The following DDX10 variants were observed in gnomAD, a reference collection of about 807,000 sequenced individuals.
The protein encoded by DDX10 is probable ATP-dependent RNA helicase DDX10.
DDX10 carries 74 observed loss-of-function variants against 104.3 expected under a neutral mutation model. The observed-to-expected ratio is 0.71, with a 90% CI of 0.59 to 0.86. The LOEUF (loss-of-function observed/expected upper bound fraction) is 0.86. DDX10 is among the 40% of genes least tolerant of loss of function. DDX10 has a pLI of 0.00. For missense variants in DDX10, 952 were observed against 1,040.0 expected, an observed-to-expected ratio of 0.92 and a Z score of 1.16; for synonymous variants, 351 against 353.4, an observed-to-expected ratio of 0.99 and a Z score of 0.08.
At chr11:108,885,741 T>G (rs558747666) in intron 16 of DDX10, among the ~76,000 whole-genome samples, 1 of 152,280 alleles carries the variant, frequency 6.6e-6, no homozygotes, top group African/African-American at 2.4e-5. Flanking sequence ...CATACTCTGC[T>G]TTGCAGGTAG....
chr11:108,741,184 C>T (rs946068169), intron 13 of DDX10, among the ~76,000 whole-genome samples: 2 of 152,032 alleles, frequency 1.3e-5, no homozygotes, highest in Admixed American at 1.3e-4. Flanking sequence ...GGTACTAGTA[C>T]CATGCTGTTT....
At position 108,719,820 on chromosome 11, in the gene DDX10, T is replaced by A; in HGVS notation, c.1434T>A (p.Ser478=). 6.2e-7 allele frequency: 1 copy of A among 1,605,326 alleles called. No homozygotes were observed. Among genetic ancestry groups the A allele is most frequent in the Non-Finnish European group, 8.5e-7 (1 of 1,172,142 alleles). ...AGTGTTTCGTCTCCTATGTACGATCTGTATATCTGATGAAGGATAAAGAAG... is the reference window on the plus strand; with the variant it reads ...AGTGTTTCGTCTCCTATGTACGATCAGTATATCTGATGAAGGATAAAGAAG... ...AQRCFVSYVR[S]VYLMKDKEVF... Residue 478 remains serine (S), a synonymous_variant, in exon 12 of 18, where the codon TCT becomes TCA. Transcript: ENST00000322536.
At chr11:108,868,495 T>C (rs1863037061) in intron 16 of DDX10, among the ~76,000 whole-genome samples, 1 of 152,116 alleles carries the variant, frequency 6.6e-6, no homozygotes. Flanking sequence ...CCTTATTATT[T>C]GCCACATGCT....
At chr11:108,816,539 G>A (rs1021830910) in intron 13 of DDX10, among the ~76,000 whole-genome samples, 2 of 147,300 alleles carry the variant, frequency 1.4e-5, no homozygotes, top group African/African-American at 4.9e-5. Context: ...CTTGTGTGTA[G>A]ACCAATAAAA....
chr11:108,819,021 T>C (rs1862291078), intron 13 of DDX10, among the ~76,000 whole-genome samples: 1 of 152,230 alleles, frequency 6.6e-6, no homozygotes, highest in Admixed American at 6.5e-5. Flanking sequence ...CTTGGCAGTA[T>C]GGTGCAATGT....
intron 13 of DDX10, among the ~76,000 whole-genome samples, chr11:108,740,922 T>C (rs1018516636): frequency 4.6e-5 from 7 of 152,098 alleles, no homozygotes; most frequent in Non-Finnish European, 8.8e-5. Context: ...TCTGCCAGGG[T>C]TTTTATAGTT....
chr11:108,924,061 C>T (rs1228466019), intron 17 of DDX10, among the ~76,000 whole-genome samples: 4 of 151,688 alleles, frequency 2.6e-5, no homozygotes, highest in Admixed American at 2.6e-4. Flanking sequence ...GGTTTTTGGC[C>T]ATCTTCGTGT....
chr11:108,824,396 C>G (rs1434413965), intron 13 of DDX10, among the ~76,000 whole-genome samples: 1 of 152,190 alleles, frequency 6.6e-6, no homozygotes, highest in Non-Finnish European at 1.5e-5. Context: ...TCCCTTAACC[C>G]TGTTAGCCAA....
At chr11:108,854,197 G>A (rs1862834528) in intron 16 of DDX10, among the ~76,000 whole-genome samples, 1 of 152,188 alleles carries the variant, frequency 6.6e-6, no homozygotes, top group Admixed American at 6.5e-5. Flanking sequence ...AAAGTGACAG[G>A]GGTTGAAGGC....
intron 9 of DDX10, among the ~76,000 whole-genome samples, chr11:108,695,648 T>G (rs1473647808): frequency 6.6e-6 from 1 of 152,194 alleles, no homozygotes; most frequent in East Asian, 1.9e-4. Context: ...GGTCACTTTT[T>G]GTTTCAGCTG....
chr11:108,935,867 T>G lies in DDX10; in HGVS notation c.2451-4379T>G, dbSNP rs558819297. Among the ~76,000 whole-genome samples, 4 of 152,304 alleles carry G rather than the reference T, an allele frequency of 2.6e-5. No homozygotes were observed. In the South Asian group the frequency reaches 8.3e-4, roughly 32 times the overall value. ...TTTTCAATGATAATGGTCCCATGTTTTAAAAGATTTTTGTCTCTCAAGAAA... is the reference window on the plus strand; with the variant it reads ...TTTTCAATGATAATGGTCCCATGTTGTAAAAGATTTTTGTCTCTCAAGAAA... On this transcript the variant is annotated intron_variant, in intron 17 of 17. Transcript: ENST00000322536.
intron 13 of DDX10, among the ~76,000 whole-genome samples, chr11:108,759,259 A>G (rs1431711920): frequency 6.6e-6 from 1 of 152,100 alleles, no homozygotes; most frequent in Non-Finnish European, 1.5e-5. Context: ...TCTTTTACTT[A>G]TAGCTGTCAT....
chr11:108,759,831 G>C (rs1336003578), intron 13 of DDX10, among the ~76,000 whole-genome samples: 1 of 151,738 alleles, frequency 6.6e-6, no homozygotes, highest in Non-Finnish European at 1.5e-5. Flanking sequence ...TGCCTCCCCA[G>C]GTATATTTTA....
chr11:108,936,575 T>C (rs545526542), intron 17 of DDX10, among the ~76,000 whole-genome samples: 32 of 152,310 alleles, frequency 2.1e-4, no homozygotes, highest in Admixed American at 9.1e-4. Context: ...ATATAGACTT[T>C]TTAAAATACA....
intron 16 of DDX10, among the ~76,000 whole-genome samples, chr11:108,866,083 G>T (rs1863004919): frequency 6.6e-6 from 1 of 152,094 alleles, no homozygotes; most frequent in Non-Finnish European, 1.5e-5. Context: ...AACAGAAGAA[G>T]AAATTTTAGT....
At chr11:108,814,898 A>T (rs193228277) in intron 13 of DDX10, among the ~76,000 whole-genome samples, 1 of 152,230 alleles carries the variant, frequency 6.6e-6, no homozygotes, top group Non-Finnish European at 1.5e-5. Flanking sequence ...GTTTAATGAT[A>T]TAGTCTCTGG....
At chr11:108,696,189 T>A (rs988422969) in intron 9 of DDX10, among the ~76,000 whole-genome samples, 5 of 152,102 alleles carry the variant, frequency 3.3e-5, no homozygotes, top group African/African-American at 4.8e-5. Flanking sequence ...CTGTTTTGTT[T>A]TTTTTGAGAC....
chr11:108,814,055 G>C (rs1320062488), intron 13 of DDX10, among the ~76,000 whole-genome samples: 1 of 152,124 alleles, frequency 6.6e-6, no homozygotes, highest in Non-Finnish European at 1.5e-5. Flanking sequence ...GCAATCCACT[G>C]TAAGGGTTTA....
At chr11:108,855,520 C>A (rs372020184) in intron 16 of DDX10, among the ~76,000 whole-genome samples, 1 of 152,124 alleles carries the variant, frequency 6.6e-6, no homozygotes, top group Non-Finnish European at 1.5e-5. Flanking sequence ...AGTGCAGTGA[C>A]GCGATCTTGG....
Sources: gnomAD v4.1 joint callset for allele counts (sites outside exome capture counted in the v4.1 genomes callset) on GRCh38, gnomAD v4.1.1 for gene constraint, MANE v1.5 for transcripts, NCBI Gene and HGNC (gene_info 2026-07-23, HGNC 2026-07-21) for gene names.